Variants in SLC48A1 observed in about 807,000 individuals in gnomAD.
SLC48A1 encodes the protein solute carrier family 48 member 1.
In SLC48A1, 6 loss-of-function variants were observed where a neutral mutation model predicts 14.8. The observed-to-expected ratio is 0.41, with a 90% confidence interval of 0.22 to 0.80. SLC48A1 has a LOEUF of 0.80. Ranked by LOEUF, SLC48A1 falls within the 30% of genes least tolerant of loss-of-function variation. The pLI is 0.34. For missense variants in SLC48A1, 165 were observed against 204.8 expected, an observed-to-expected ratio of 0.81 and a Z score of 1.19; for synonymous variants, 89 against 90.0, an observed-to-expected ratio of 0.99 and a Z score of 0.06.
Position 47,780,818 on chromosome 12 carries a change from C to A in SLC48A1, c.*537C>A. 2.0e-6 allele frequency: 1 copy of A among 494,828 alleles called. No individual in the cohort carries two copies. The highest frequency in any genetic ancestry group is 4.1e-6 in the Non-Finnish European group (1 of 245,388). The allele number at this position is 494,828 out of a possible 1,614,324, so 30.7% of individuals were successfully genotyped here. ...CTGATCTCAGGTGATTCACCCGCCT[C>A]AGCCTTCCAAAGTGCTGGGATTATA... On this transcript the variant is annotated 3_prime_UTR_variant, in exon 3 of 3. Coordinates refer to ENST00000442218, the MANE Select transcript of SLC48A1 (RefSeq NM_017842.3).
chr12:47,758,284 G>A, upstream of SLC48A1: 5 of 1,430,556 alleles, frequency 3.5e-6, no homozygotes, highest in African/African-American at 1.4e-5. Context: ...GTCTCCAGCT[G>A]GCTCTTGGAA....
At chr12:47,757,055 A>T (rs973093182), upstream of SLC48A1, among the ~76,000 whole-genome samples, 1 of 152,056 alleles carries the variant, frequency 6.6e-6, no homozygotes, top group African/African-American at 2.4e-5. Flanking sequence ...GCACTTTGGG[A>T]GGCCAAGGCA....
At chr12:47,768,166 T>G (rs1241423731), upstream of SLC48A1, among the ~76,000 whole-genome samples, 1 of 152,078 alleles carries the variant, frequency 6.6e-6, no homozygotes. Flanking sequence ...TTAGTAGAGA[T>G]GGGTTTTGCC....
intron 1 of SLC48A1, among the ~76,000 whole-genome samples, chr12:47,775,444 G>C (rs1005148032): frequency 2.0e-5 from 3 of 152,186 alleles, no homozygotes; most frequent in Admixed American, 6.5e-5. Flanking sequence ...CTGATGGTCT[G>C]ATCTTTGACA....
upstream of SLC48A1, chr12:47,769,406 G>A (rs551028070): frequency 6.6e-6 from 1 of 152,338 alleles, no homozygotes; most frequent in East Asian, 1.9e-4. Context: ...TGTATGAGTG[G>A]TGCACACCCA....
chr12:47,771,889 C>T (rs191624287), upstream of SLC48A1, among the ~76,000 whole-genome samples: 9 of 151,178 alleles, frequency 6.0e-5, no homozygotes, highest in Non-Finnish European at 1.0e-4. Context: ...GCTGAGATCA[C>T]GCCACTGCAC....
In SLC48A1 at chr12:47,780,298, T is replaced by A; in HGVS notation, c.*17T>A. ...GATTTCTGACCCAGGGGGTGAGGTC[T>A]CTGCACCCTGGGGGGGCCTTAGGAC... On this transcript the variant is annotated 3_prime_UTR_variant, in exon 3 of 3. Coordinates refer to ENST00000442218, the MANE Select transcript of SLC48A1 (RefSeq NM_017842.3). 1 of 1,614,168 alleles carries A rather than the reference T, an allele frequency of 6.2e-7. No individual in the cohort carries two copies. Among genetic ancestry groups the A allele is most frequent in the Non-Finnish European group, 8.5e-7 (1 of 1,180,000 alleles).
chr12:47,774,885 G>T (rs1942708973), intron 1 of SLC48A1, among the ~76,000 whole-genome samples: 1 of 152,146 alleles, frequency 6.6e-6, no homozygotes, highest in Non-Finnish European at 1.5e-5. Flanking sequence ...GTTTGTCAAG[G>T]TTCACTTCTC....
chr12:47,767,598 A>G (rs1942543603), upstream of SLC48A1, among the ~76,000 whole-genome samples: 1 of 152,216 alleles, frequency 6.6e-6, no homozygotes, highest in Non-Finnish European at 1.5e-5. Flanking sequence ...ATTATATTCC[A>G]ATAGGGACAG....
At chr12:47,759,174 G>A in intron 1 of SLC48A1, 1 of 881,030 alleles carries the variant, frequency 1.1e-6, no homozygotes, top group Middle Eastern at 5.7e-4. Context: ...TGGCCGCCAC[G>A]TGGCCGGGAG....
rs750174911 is a variant in SLC48A1 at position 47,765,076 on chromosome 12, CAAAAAAAAAAAAAAAAAAA to C, written c.-187+4696_-187+4714del. Among the ~76,000 whole-genome samples, 69 of 38,188 alleles carry C rather than the reference CAAAAAAAAAAAAAAAAAAA, an allele frequency of 1.8e-3. No individual in the cohort carries two copies. The South Asian group carries it at 0.028, about 15-fold the overall frequency. 25.1% of individuals were successfully genotyped at this position (38,188 alleles called of 152,430 possible). A position where few individuals can be genotyped will look rare whatever the true frequency, so the allele number is the denominator to read the frequency against. ...TGGGCAACAGAGTGAGACTCTGTCT[CAAAAAAAAAAAAAAAAAAA>C]AAAAAAAAAAAAAAAAAAAATTAGG... On this transcript the variant is annotated intron_variant, in intron 2 of 4. Transcript: ENST00000547002.
rs1006388486 is a variant in SLC48A1 at position 47,759,125 on chromosome 12, C to T, written c.-373+465C>T. 14 of 984,294 alleles carry T rather than the reference C, an allele frequency of 1.4e-5. No individual in the cohort carries two copies. In the African/African-American group the frequency reaches 2.4e-4, roughly 17 times the overall value. The allele number at this position is 984,294 out of a possible 1,614,324, so 61.0% of individuals were successfully genotyped here. A position where few individuals can be genotyped will look rare whatever the true frequency, so the allele number is the denominator to read the frequency against. On this transcript the variant is annotated intron_variant, in intron 1 of 4. Transcript: ENST00000547002. ...CCGAAGTGTGTGGAGGAGGCCGCAA[C>T]GGCCGGGGTGTCAGGGATCCGGCGG... is the stretch of plus-strand genomic sequence containing the variant.
rs547922215 is a variant in SLC48A1, at chr12:47,774,022, G to A, written c.136+582G>A. 2.6e-5 allele frequency among the ~76,000 whole-genome samples: 4 copies of A among 152,344 alleles called. No homozygotes were observed. In the East Asian group the frequency reaches 7.7e-4, roughly 29 times the overall value. On this transcript the variant is annotated intron_variant, in intron 1 of 2. Coordinates refer to ENST00000442218, the MANE Select transcript of SLC48A1 (RefSeq NM_017842.3). ...AGACCCACAGGGAGGACGGCGTTAG[G>A]GATCTCATAGAAACTGGACATTCTC...
chr12:47,760,896 C>T (rs1480304319), intron 2 of SLC48A1, among the ~76,000 whole-genome samples: 3 of 152,092 alleles, frequency 2.0e-5, no homozygotes, highest in African/African-American at 7.3e-5. Flanking sequence ...GGAGAGTCTA[C>T]TCAAAAAAGG....
At chr12:47,764,113 T>C (rs1942456492) in intron 2 of SLC48A1, among the ~76,000 whole-genome samples, 1 of 152,104 alleles carries the variant, frequency 6.6e-6, no homozygotes, top group Non-Finnish European at 1.5e-5. Context: ...AACTGCTTTC[T>C]CCCCCAACTT....
upstream of SLC48A1, among the ~76,000 whole-genome samples, chr12:47,767,144 C>T (rs1009582125): frequency 1.6e-5 from 2 of 125,312 alleles, no homozygotes; most frequent in South Asian, 2.8e-4. Flanking sequence ...GGCACAGCCT[C>T]GGGTTGCCAC....
intron 2 of SLC48A1, among the ~76,000 whole-genome samples, chr12:47,766,517 C>G (rs1337647356): frequency 6.6e-6 from 1 of 152,188 alleles, no homozygotes; most frequent in Non-Finnish European, 1.5e-5. Flanking sequence ...GAAAGAGAAT[C>G]AGATCAGGTA....
At chr12:47,771,932 CAAAAA>C, upstream of SLC48A1, among the ~76,000 whole-genome samples, 1 of 125,072 alleles carries the variant, frequency 8.0e-6, no homozygotes. Context: ...GACTCCGTCT[CAAAAA>C]AAAAAAAAAA....
At chr12:47,760,297 A>T in exon 2 of SLC48A1, 1 of 985,476 alleles carries the variant, frequency 1.0e-6, no homozygotes, top group South Asian at 4.7e-5. Flanking sequence ...CCTGAGAATG[A>T]ATCTGACCTC....
Sources: gnomAD v4.1 joint callset for allele counts (sites outside exome capture counted in the v4.1 genomes callset) on GRCh38, gnomAD v4.1.1 for gene constraint, MANE v1.5 for transcripts, NCBI Gene and HGNC (gene_info 2026-07-23, HGNC 2026-07-21) for gene names.